Variants in PRELID2 observed in about 807,000 individuals in gnomAD.
The protein encoded by PRELID2 is PRELI domain-containing protein 2.
In PRELID2, 25 loss-of-function variants were observed where a neutral mutation model predicts 28.4. That is an observed-to-expected ratio of 0.88 (90% confidence interval 0.64 to 1.23). The LOEUF (loss-of-function observed/expected upper bound fraction) is 1.23. Ranked by LOEUF, PRELID2 falls within the 50% of genes most tolerant of loss-of-function variation. The pLI is 0.00. For synonymous variants in PRELID2, 76 were observed against 71.6 expected (o/e 1.06, Z -0.31); for missense variants, 201 against 214.4 (o/e 0.94, Z 0.39).
chr5:145,592,517 G>A (rs1311250092), intron 1 of PRELID2, among the ~76,000 whole-genome samples: 5 of 151,802 alleles, frequency 3.3e-5, no homozygotes, highest in African/African-American at 4.8e-5. Flanking sequence ...GATGACCACA[G>A]CAGAATAGAA....
intron 1 of PRELID2, among the ~76,000 whole-genome samples, chr5:145,710,633 A>G (rs995130311): frequency 1.3e-5 from 2 of 152,214 alleles, no homozygotes; most frequent in East Asian, 1.9e-4. Flanking sequence ...CAGACATAGC[A>G]TAAGTGTCCA....
chr5:145,647,571 GA>G (rs1418332837), intron 1 of PRELID2, among the ~76,000 whole-genome samples: 1 of 152,034 alleles, frequency 6.6e-6, no homozygotes, highest in Non-Finnish European at 1.5e-5. Flanking sequence ...CTGGCATATG[GA>G]AAAAATAAAT....
At chr5:145,317,229 A>C in the PRELID2 span, among the ~76,000 whole-genome samples, 1 of 152,210 alleles carries the variant, frequency 6.6e-6, no homozygotes. Context: ...CAGTTCAGCA[A>C]CATTTACTAA....
intron 1 of PRELID2, among the ~76,000 whole-genome samples, chr5:145,662,125 T>C (rs564150380): frequency 6.6e-6 from 1 of 152,164 alleles, no homozygotes; most frequent in Non-Finnish European, 1.5e-5. Flanking sequence ...GAACAGATCT[T>C]GACAGCTGCT....
At chr5:145,821,330 TGTGTATGTGTGTGTAAGCCCTC>T (rs1754811928) in intron 2 of PRELID2, among the ~76,000 whole-genome samples, 1 of 151,134 alleles carries the variant, frequency 6.6e-6, no homozygotes, top group South Asian at 2.1e-4. Context: ...AGCCCTCTTC[TGTGTATGTGTGTGTAAGCCCTC>T]GTGTTTGTGT....
Position 145,605,274 on chromosome 5 carries a change from T to A in PRELID2, n.71-131959A>T, listed in dbSNP as rs191607015. On this transcript the variant is annotated intron_variant and non_coding_transcript_variant, in intron 1 of 2. Coordinates refer to the PRELID2 transcript ENST00000510259. ...GTCCTTTGGTCAGAATGGTATTTCC[T>A]AGGGTATCTTCCAGGGTTTTTATAG... 6.3e-3 allele frequency among the ~76,000 whole-genome samples: 954 copies of A among 152,220 alleles called. 9 individuals are homozygous for A. The highest frequency in any genetic ancestry group is 9.5e-3 in the Non-Finnish European group (647 of 67,988).
At chr5:145,453,435 G>A in the PRELID2 span, among the ~76,000 whole-genome samples, 13 of 152,114 alleles carry the variant, frequency 8.5e-5, no homozygotes, top group Admixed American at 3.3e-4. Flanking sequence ...AACCACCAAC[G>A]GTTTCCCATT....
At chr5:145,357,170 A>G in the PRELID2 span, among the ~76,000 whole-genome samples, 13 of 151,572 alleles carry the variant, frequency 8.6e-5, no homozygotes, top group African/African-American at 3.2e-4. Flanking sequence ...TGCCTTTAAC[A>G]TTTTTTTTCC....
At chr5:145,706,049 T>C (rs1442440605) in intron 1 of PRELID2, among the ~76,000 whole-genome samples, 1 of 152,186 alleles carries the variant, frequency 6.6e-6, no homozygotes, top group Non-Finnish European at 1.5e-5. Flanking sequence ...ATACTTATTT[T>C]CTTGTTTTTG....
chr5:145,288,830 T>C, the PRELID2 span, among the ~76,000 whole-genome samples: 1 of 152,156 alleles, frequency 6.6e-6, no homozygotes, highest in Non-Finnish European at 1.5e-5. Flanking sequence ...TGTCTATAAC[T>C]TCTTACTCTA....
the PRELID2 span, among the ~76,000 whole-genome samples, chr5:145,335,387 CTATT>C: frequency 6.6e-6 from 1 of 151,654 alleles, no homozygotes; most frequent in Admixed American, 6.6e-5. Context: ...ATTGAGTTGT[CTATT>C]TGTGTTCTCT....
chr5:145,509,751 T>A (rs958136147), intron 1 of PRELID2, among the ~76,000 whole-genome samples: 7 of 152,242 alleles, frequency 4.6e-5, no homozygotes, highest in Admixed American at 6.5e-5. Flanking sequence ...AAGCAGATGC[T>A]GTTTTCTTCC....
chr5:145,260,807 G>T, the PRELID2 span, among the ~76,000 whole-genome samples: 1 of 152,238 alleles, frequency 6.6e-6, no homozygotes, highest in East Asian at 1.9e-4. Context: ...AATGCCAAGA[G>T]AATCTACAGA....
At chr5:145,819,343 A>G in intron 3 of PRELID2, 1 of 1,467,146 alleles carries the variant, frequency 6.8e-7, no homozygotes, top group Non-Finnish European at 9.5e-7. Context: ...AAATCCCTCT[A>G]TGGGTCAAGC....
the PRELID2 span, among the ~76,000 whole-genome samples, chr5:145,409,151 T>C: frequency 6.6e-6 from 1 of 152,266 alleles, no homozygotes; most frequent in East Asian, 1.9e-4. Flanking sequence ...ATAAGGTCTT[T>C]TTCAGACAAA....
intron 1 of PRELID2, among the ~76,000 whole-genome samples, chr5:145,616,217 T>C (rs1753695830): frequency 6.6e-6 from 1 of 152,338 alleles, no homozygotes; most frequent in South Asian, 2.1e-4. Flanking sequence ...ACAATGTGCC[T>C]AGGTGATGAT....
chr5:145,830,167 A>G (rs953302606), intron 1 of PRELID2, among the ~76,000 whole-genome samples: 1 of 152,242 alleles, frequency 6.6e-6, no homozygotes, highest in Non-Finnish European at 1.5e-5. Flanking sequence ...ACTATGTTCC[A>G]GGATCTCTTT....
chr5:145,375,984 T>A, the PRELID2 span, among the ~76,000 whole-genome samples: 1 of 152,192 alleles, frequency 6.6e-6, no homozygotes, highest in African/African-American at 2.4e-5. Flanking sequence ...CAGTTTTCAC[T>A]GGAAATGCTT....
In PRELID2 at chr5:145,491,013, A is replaced by G. The variant is rs530880252; in HGVS notation, n.71-17698T>C. 4.0e-5 allele frequency among the ~76,000 whole-genome samples: 6 copies of G among 150,096 alleles called. No individual in the cohort carries two copies. In the East Asian group the frequency reaches 1.2e-3, roughly 30 times the overall value. ...CACCTGTCTTCAAAACTTCTTCTGT[A>G]TCTCCTATATTTTGAAATCTTGATG... On this transcript the variant is annotated intron_variant and non_coding_transcript_variant, in intron 1 of 2. Transcript: ENST00000510259.
Sources: gnomAD v4.1 joint callset for allele counts (sites outside exome capture counted in the v4.1 genomes callset) on GRCh38, gnomAD v4.1.1 for gene constraint, MANE v1.5 for transcripts, NCBI Gene and HGNC (gene_info 2026-07-23, HGNC 2026-07-21) for gene names.